Variants in KIF26B observed in about 807,000 individuals in gnomAD.
KIF26B encodes the protein kinesin-like protein KIF26B.
KIF26B carries 63 observed loss-of-function variants against 151.2 expected under a neutral mutation model. The ratio of observed to expected loss-of-function variants is 0.42; its 90% CI spans 0.34 to 0.51. KIF26B has a LOEUF of 0.51. Among genes scored for constraint, KIF26B ranks in the 20% least tolerant of loss-of-function variants. The pLI is 0.07. For synonymous variants in KIF26B, 1,357 were observed against 1,262.1 expected (o/e 1.08, Z -1.59); for missense variants, 2,813 against 2,913.6 (o/e 0.97, Z 0.79).
intron 2 of KIF26B, among the ~76,000 whole-genome samples, chr1:245,285,948 A>G (rs1241656835): frequency 1.3e-5 from 2 of 149,346 alleles, no homozygotes; most frequent in African/African-American, 2.5e-5. Flanking sequence ...GCAGTGAGCT[A>G]TATGGCACCA....
At chr1:245,316,060 T>C (rs1671767711) in intron 2 of KIF26B, among the ~76,000 whole-genome samples, 1 of 152,090 alleles carries the variant, frequency 6.6e-6, no homozygotes, top group East Asian at 1.9e-4. Flanking sequence ...GCCTGTTTCA[T>C]GTCACCAGGC....
intron 3 of KIF26B, among the ~76,000 whole-genome samples, chr1:245,372,162 C>T (rs1673144289): frequency 6.6e-6 from 1 of 152,266 alleles, no homozygotes; most frequent in African/African-American, 2.4e-5. Context: ...GCAGCAGTGC[C>T]ATTAGGTTCT....
rs1418052703 is a variant in KIF26B at position 245,620,239 on chromosome 1, C to T, written c.2098+8263C>T. On this transcript the variant is annotated intron_variant, in intron 9 of 14. Coordinates refer to ENST00000407071, the MANE Select transcript of KIF26B (RefSeq NM_018012.4). ...ATTCAATTAATTTGACTTCCACGAA[C>T]CACATTCGTATTAACAGTTCAGTTT... Among the ~76,000 whole-genome samples, 3 of 152,202 alleles carry T rather than the reference C, an allele frequency of 2.0e-5. No homozygotes were observed. In the East Asian group the frequency reaches 5.8e-4, roughly 29 times the overall value.
chr1:245,337,954 A>G (rs1331074743), intron 2 of KIF26B, among the ~76,000 whole-genome samples: 1 of 152,226 alleles, frequency 6.6e-6, no homozygotes, highest in African/African-American at 2.4e-5. Context: ...ACAATCACAA[A>G]GGCAAAACCA....
At chr1:245,632,049 C>T (rs1408181668) in intron 9 of KIF26B, among the ~76,000 whole-genome samples, 1 of 151,846 alleles carries the variant, frequency 6.6e-6, no homozygotes, top group African/African-American at 2.4e-5. Context: ...TTTATTTCGT[C>T]TCTGATCTTT....
At chr1:245,588,176 T>G (rs1009526887) in intron 5 of KIF26B, among the ~76,000 whole-genome samples, 1 of 152,204 alleles carries the variant, frequency 6.6e-6, no homozygotes, top group Non-Finnish European at 1.5e-5. Flanking sequence ...ATGCTTATGA[T>G]ATGCACACTG....
At chr1:245,549,197 G>C (rs1278134660) in intron 5 of KIF26B, among the ~76,000 whole-genome samples, 1 of 152,184 alleles carries the variant, frequency 6.6e-6, no homozygotes, top group Non-Finnish European at 1.5e-5. Context: ...TTAAAAGCTA[G>C]CAACCTTTAT....
In KIF26B at chr1:245,512,875, C is replaced by T. The variant is rs1288463869; in HGVS notation, c.1167-27892C>T. Among the ~76,000 whole-genome samples, 4 of 151,910 alleles carry T rather than the reference C, an allele frequency of 2.6e-5. No individual in the cohort carries two copies. Among genetic ancestry groups the T allele is most frequent in the East Asian group, 1.9e-4 (1 of 5,188 alleles). The stretch of plus-strand genomic sequence containing the variant: ...GGAAAACCTAGAGCAAAAATCATGC[C>T]GGGGAAAGGAAAATCATTAAAAAAC... On this transcript the variant is annotated intron_variant, in intron 4 of 14. Transcript: ENST00000407071. This position sits in a 1 kb window ranked among gnomAD's most constrained non-coding sequence, Gnocchi z 4.3.
intron 10 of KIF26B, among the ~76,000 whole-genome samples, chr1:245,679,460 T>TG (rs2044401984): frequency 1.5e-5 from 1 of 66,958 alleles, no homozygotes; most frequent in Admixed American, 1.6e-4. Context: ...TGTGTGTGTT[T>TG]TTTTTTTTTT....
chr1:245,415,269 A>G (rs1302167431), intron 3 of KIF26B, among the ~76,000 whole-genome samples: 1 of 152,206 alleles, frequency 6.6e-6, no homozygotes, highest in Non-Finnish European at 1.5e-5. Flanking sequence ...AGAGAGCTTC[A>G]GAAAGAATTT....
intron 4 of KIF26B, among the ~76,000 whole-genome samples, chr1:245,435,166 TCCATCCACCCAC>T (rs1387491514): frequency 1.4e-5 from 2 of 146,476 alleles, no homozygotes; most frequent in African/African-American, 5.0e-5. Context: ...CATCCATCCA[TCCATCCACCCAC>T]CCAACCATCC....
At chr1:245,226,587 C>T (rs1047288420) in intron 2 of KIF26B, among the ~76,000 whole-genome samples, 6 of 152,072 alleles carry the variant, frequency 3.9e-5, no homozygotes, top group African/African-American at 1.4e-4. Flanking sequence ...CCTCAGCCTC[C>T]TGAGTAGCTG....
intron 4 of KIF26B, among the ~76,000 whole-genome samples, chr1:245,524,704 C>G (rs140079268): frequency 6.6e-6 from 1 of 152,142 alleles, no homozygotes; most frequent in Non-Finnish European, 1.5e-5. Flanking sequence ...CTTCATAATT[C>G]AGTCTAAGGC....
At chr1:245,424,843 G>A (rs1256393212) in intron 4 of KIF26B, among the ~76,000 whole-genome samples, 1 of 152,208 alleles carries the variant, frequency 6.6e-6, no homozygotes, top group Non-Finnish European at 1.5e-5. Flanking sequence ...TGAAGCACCT[G>A]TTCTGTGCTT....
chr1:245,459,489 A>AT (rs1572072321), intron 4 of KIF26B, among the ~76,000 whole-genome samples: 1 of 152,024 alleles, frequency 6.6e-6, no homozygotes, highest in African/African-American at 2.4e-5. Flanking sequence ...AGCCTTATCT[A>AT]TTTTGTATTG....
At chr1:245,552,172 G>GT (rs1661902739) in intron 5 of KIF26B, among the ~76,000 whole-genome samples, 7 of 109,446 alleles carry the variant, frequency 6.4e-5, no homozygotes, top group Non-Finnish European at 1.1e-4. Flanking sequence ...TGTGTGTGTG[G>GT]AGTGGGGGTG....
chr1:245,559,962 C>G (rs1417048655), intron 5 of KIF26B, among the ~76,000 whole-genome samples: 1 of 151,964 alleles, frequency 6.6e-6, no homozygotes, highest in Non-Finnish European at 1.5e-5. Flanking sequence ...ACCGACGTGC[C>G]TCCCGTGCCT....
intron 4 of KIF26B, among the ~76,000 whole-genome samples, chr1:245,456,542 T>G (rs959040884): frequency 2.6e-5 from 4 of 152,266 alleles, no homozygotes; most frequent in Non-Finnish European, 5.9e-5. Flanking sequence ...TTGTTTCCTT[T>G]TCTTGCTCAT....
rs1482589018 is a variant in KIF26B, at chr1:245,560,035, C to T, written c.1350+19085C>T. Among the ~76,000 whole-genome samples the T allele has an allele frequency of 2.6e-5, 4 of 152,056 alleles. No individual in the cohort carries two copies. Among genetic ancestry groups the T allele is most frequent in the South Asian group, 2.1e-4 (1 of 4,818 alleles). ...GCTCGTCTCTCATTCGTTTTTTTGG[C>T]GTGGAAACACGCTGCTCAGTCCTCA... On this transcript the variant is annotated intron_variant, in intron 5 of 14. Transcript: ENST00000407071. The surrounding 1 kb of genome is among the most constrained non-coding windows in gnomAD (Gnocchi z 4.3).
Sources: gnomAD v4.1 joint callset for allele counts (sites outside exome capture counted in the v4.1 genomes callset) on GRCh38, gnomAD v4.1.1 for gene constraint, Gnocchi (gnomAD v3.1) non-coding constraint, MANE v1.5 for transcripts, NCBI Gene and HGNC (gene_info 2026-07-23, HGNC 2026-07-21) for gene names.